The following PFAS variants were observed in gnomAD, a reference collection of about 807,000 sequenced individuals.
PFAS encodes phosphoribosylformylglycinamidine synthase.
A neutral mutation model predicts 140.6 loss-of-function variants in PFAS; 97 were observed. The ratio of observed to expected loss-of-function variants is 0.69; its 90% CI spans 0.59 to 0.82. PFAS has a LOEUF of 0.82. PFAS is among the 40% of genes least tolerant of loss of function. The pLI, the probability that PFAS is intolerant of heterozygous loss-of-function variation, is 0.00. For missense variants in PFAS, 1,656 were observed against 1,780.2 expected (o/e 0.93, Z 1.26); for synonymous variants, 679 against 718.8 (o/e 0.94, Z 0.88).
Position 8,256,376 on chromosome 17 carries a change from A to G in PFAS, c.790A>G (p.Asn264Asp). The part of the protein sequence containing the change: ...IMSTQESSNP[N>D]NVLKFCDNSS... ...GAGCACCCAGGAATCCTCGAACCCC[A>G]ACAACGTCCTCAAATTCTGTGATAA... is the stretch of plus-strand genomic sequence containing the variant. The change falls in exon 7 of 28, where the codon AAC becomes GAC. Residue 264 changes from asparagine to aspartate, a missense_variant. By Grantham distance (23) the Asn-to-Asp change is conservative. Around this residue, in one of 2 missense-constraint regions of PFAS, gnomAD observed 773 missense variants for 757.3 expected, o/e 1.02. Coordinates refer to ENST00000314666, the MANE Select transcript of PFAS (RefSeq NM_012393.3). 6.2e-7 allele frequency: 1 copy of G among 1,614,074 alleles called. No individual in the cohort carries two copies. Among genetic ancestry groups the G allele is most frequent in the African/African-American group, 1.3e-5 (1 of 75,044 alleles).
chr17:8,267,670 G>A lies in PFAS; in HGVS notation c.3382+5G>A. On this transcript the variant is annotated splice_donor_5th_base_variant and intron_variant, in intron 26 of 27. Transcript: ENST00000314666. The surrounding 1 kb of genome is among the most constrained non-coding windows in gnomAD (Gnocchi z 4.9). ...ATGTCCTGGGCTCTGCCAAAGGTCA[G>A]TGTGCAGGCTTCTGCCCACTCCCTT... The A allele has an allele frequency of 2.0e-6, 3 of 1,509,406 alleles. No individual in the cohort carries two copies. Among genetic ancestry groups the A allele is most frequent in the Non-Finnish European group, 2.8e-6 (3 of 1,086,422 alleles). The allele number at this position is 1,509,406 out of a possible 1,614,324, so 93.5% of individuals were successfully genotyped here. A position where few individuals can be genotyped will look rare whatever the true frequency, so the allele number is the denominator to read the frequency against.
rs1202311550 is a variant in PFAS, at chr17:8,256,407, G to A, written c.821G>A (p.Ser274Asn). The part of the protein sequence containing the change: ...NNVLKFCDNS[S>N]AIQGKEVRFL... ...GTCCTCAAATTCTGTGATAACAGCA[G>A]GTGCTGTGCCCTAGACTGGGTTGGC... The change falls in exon 7 of 28, where the codon AGT becomes AAT. Residue 274 changes from serine (S) to asparagine (N), a missense_variant and splice_region_variant. Physicochemically the swap from Ser to Asn is conservative, Grantham distance 46 (BLOSUM62 1). Transcript: ENST00000314666. The A allele has an allele frequency of 5.6e-6, 9 of 1,613,974 alleles. No homozygotes were observed. Among genetic ancestry groups the A allele is most frequent in the Non-Finnish European group, 7.6e-6 (9 of 1,180,038 alleles).
chr17:8,255,480 C>G (rs760460937), intron 4 of PFAS, 22 bp from the exon 5 acceptor site: 2 of 1,501,316 alleles, frequency 1.3e-6, no homozygotes, highest in Non-Finnish European at 1.8e-6. Context: ...ACCCCTTGCC[C>G]TCTGTGTGTC....
At chr17:8,247,846 A>G (rs1007021721), upstream of PFAS, 6 of 682,972 alleles carry the variant, frequency 8.8e-6, no homozygotes, top group African/African-American at 9.1e-5. Context: ...CATTCGCAGA[A>G]CCAGTAAGAG....
At position 8,263,947 on chromosome 17, in the gene PFAS, C is replaced by A. The variant is rs572134129; in HGVS notation, c.1791+11C>A. 3.1e-5 allele frequency: 50 copies of A among 1,610,426 alleles called. 2 individuals are homozygous for A. Among genetic ancestry groups the A allele is most frequent in the Non-Finnish European group, 4.1e-5 (48 of 1,179,816 alleles). On this transcript the variant is annotated intron_variant, in intron 15 of 27. Coordinates refer to ENST00000314666, the MANE Select transcript of PFAS (RefSeq NM_012393.3). ...ACTGGAGACCGGAGAGTGAGTTGGC[C>A]CAGGGAGTTGGGAGCAAACACTGGG... is the stretch of plus-strand genomic sequence containing the variant.
intron 11 of PFAS, 149 bp from the exon 12 acceptor site, chr17:8,262,771 G>A: frequency 1.5e-6 from 1 of 664,490 alleles, no homozygotes; most frequent in South Asian, 1.8e-5. Flanking sequence ...ACTTCAGCCT[G>A]GACAACAGAG....
Position 8,265,984 on chromosome 17 carries a change from C to T in PFAS, c.2668C>T (p.Arg890Trp), listed in dbSNP as rs201245445. The change falls in exon 21 of 28, where the codon CGG becomes TGG. Residue 890 changes from arginine (R) to tryptophan (W), a missense_variant. Arg to Trp is a moderately radical substitution (Grantham distance 101). Coordinates refer to ENST00000314666, the MANE Select transcript of PFAS (RefSeq NM_012393.3). ...PDLDLPENLVRAFSITQGLLK... is the reference protein window; with the variant it reads ...PDLDLPENLVWAFSITQGLLK... ...CCTGGACCTTCCTGAGAACTTGGTG[C>T]GGGCCTTCAGCATCACTCAGGGGCT... is the stretch of plus-strand genomic sequence containing the variant. 1.9e-5 allele frequency: 30 copies of T among 1,612,244 alleles called. No homozygotes were observed. In the East Asian group the frequency reaches 2.0e-4, roughly 11 times the overall value.
At chr17:8,252,911 C>T (rs1357599096) in intron 1 of PFAS, among the ~76,000 whole-genome samples, 1 of 152,180 alleles carries the variant, frequency 6.6e-6, no homozygotes, top group Non-Finnish European at 1.5e-5. Context: ...GCCACTATGC[C>T]CCGCCCAATC....
In PFAS at chr17:8,256,156, C is replaced by G. The variant is rs566152835; in HGVS notation, c.681-111C>G. 8 of 1,053,740 alleles carry G rather than the reference C, an allele frequency of 7.6e-6. No homozygotes were observed. The African/African-American group carries it at 1.3e-4, about 17-fold the overall frequency. 65.3% of individuals were successfully genotyped at this position (1,053,740 alleles called of 1,614,324 possible). A position where few individuals can be genotyped will look rare whatever the true frequency, so the allele number is the denominator to read the frequency against. On this transcript the variant is annotated intron_variant, in intron 6 of 27. Transcript: ENST00000314666. The stretch of plus-strand genomic sequence containing the variant: ...TTTGGAATATATTTTGATCTGTCAT[C>G]TAAGTATGAATTTGGCTGTAACTCT...
rs930236952 is a variant in PFAS at position 8,254,064 on chromosome 17, A to G, written c.127A>G (p.Asn43Asp). The G allele has an allele frequency of 4.3e-6, 7 of 1,614,008 alleles. 1 individual carries two copies. In the Admixed American group the frequency reaches 5.0e-5, roughly 12 times the overall value. ...LQGVETELCY[N>D]VNWTAEALPS... The stretch of plus-strand genomic sequence containing the variant: ...GGGCGTCGAGACTGAACTGTGCTAC[A>G]ACGTGAACTGGACAGGTTGGGCCCA... Residue 43 changes from asparagine (N) to aspartate (D), a missense_variant, in exon 2 of 28, where the codon AAC (asparagine) becomes GAC (aspartate). Physicochemically the swap from Asn to Asp is conservative, Grantham distance 23. Transcript: ENST00000314666.
In PFAS at chr17:8,266,728, C is replaced by A. The variant is rs1354973332; in HGVS notation, c.2822-25C>A. 2.5e-6 allele frequency: 4 copies of A among 1,579,626 alleles called. No homozygotes were observed. The highest frequency in any genetic ancestry group is 1.3e-5 in the African/African-American group (1 of 74,224). ...CTCCCTTGGCCCTTCTTGCATCCCC[C>A]TGACTCCCCACATTGCTCTCCCAGT... is the stretch of plus-strand genomic sequence containing the variant. On this transcript the variant is annotated intron_variant, in intron 22 of 27. Transcript: ENST00000314666. This position sits in a 1 kb window ranked among gnomAD's most constrained non-coding sequence, Gnocchi z 5.0.
intron 11 of PFAS, among the ~76,000 whole-genome samples, chr17:8,260,189 A>T (rs372193007): frequency 8.0e-6 from 1 of 124,396 alleles, no homozygotes; most frequent in East Asian, 3.9e-4. Context: ...TGTAGTATAC[A>T]TACAATAATG....
Position 8,265,612 on chromosome 17 carries a change from C to A in PFAS, c.2518C>A (p.Pro840Thr). ...CCCAGACATCACAGCCACTGTGACC[C>A]CAGACCTCAAGCATCCTGAAGGGAG... ...VCPDITATVT[P>T]DLKHPEGRGH... is the part of the protein sequence containing the mutation. Residue 840 changes from proline to threonine, a missense_variant, in exon 20 of 28, where the codon CCA becomes ACA. Pro to Thr is a conservative substitution (Grantham distance 38, BLOSUM62 -1). This residue lies in a region of PFAS where 883 missense variants were observed against 1,023.0 expected (regional missense o/e 0.86). Transcript: ENST00000314666. The A allele has an allele frequency of 6.2e-7, 1 of 1,613,896 alleles. No individual in the cohort carries two copies. Among genetic ancestry groups the A allele is most frequent in the Non-Finnish European group, 8.5e-7 (1 of 1,179,780 alleles).
At chr17:8,263,460 G>A (rs972799201) in intron 13 of PFAS, 115 bp from the exon 14 acceptor site, 59 of 1,053,314 alleles carry the variant, frequency 5.6e-5, no homozygotes, top group South Asian at 8.0e-5. Flanking sequence ...GTAAGGGTGC[G>A]GCAGCAGTTG....
upstream of PFAS, chr17:8,248,014 A>C (rs1329465429): frequency 3.3e-6 from 5 of 1,519,870 alleles, no homozygotes; most frequent in Admixed American, 3.6e-5. Context: ...GGAGGAAGGG[A>C]CCTGGGCCCG....
upstream of PFAS, among the ~76,000 whole-genome samples, chr17:8,249,088 T>A (rs1597409955): frequency 6.6e-6 from 1 of 152,054 alleles, no homozygotes; most frequent in East Asian, 1.9e-4. Flanking sequence ...TACTTAACTG[T>A]CCCCGCGGGG....
At chr17:8,248,571 T>A (rs1988980246), upstream of PFAS, among the ~76,000 whole-genome samples, 1 of 150,790 alleles carries the variant, frequency 6.6e-6, no homozygotes, top group Non-Finnish European at 1.5e-5. Context: ...CTCTCTGATT[T>A]TTTTGAGACG....
At position 8,254,025 on chromosome 17, in the gene PFAS, C is replaced by G; in HGVS notation, c.88C>G (p.Leu30Val). 6.2e-7 allele frequency: 1 copy of G among 1,614,206 alleles called. No individual in the cohort carries two copies. The highest frequency in any genetic ancestry group is 8.5e-7 in the Non-Finnish European group (1 of 1,180,048). Residue 30 changes from leucine (L) to valine (V), a missense_variant, in exon 2 of 28, where the codon CTG becomes GTG. Physicochemically the swap from Leu to Val is conservative, Grantham distance 32 (BLOSUM62 1). This residue lies in a region of PFAS where 773 missense variants were observed against 757.3 expected (regional missense o/e 1.02). Coordinates refer to ENST00000314666, the MANE Select transcript of PFAS (RefSeq NM_012393.3). ...GHTRRKLQGK[L>V]PELQGVETEL... The stretch of plus-strand genomic sequence containing the variant: ...CACTCGGAGGAAACTGCAAGGGAAA[C>G]TGCCAGAGCTGCAGGGCGTCGAGAC...
rs1266988530 is a variant in PFAS, at chr17:8,265,125, G to A, written c.2280G>A (p.Arg760=). Residue 760 remains arginine (R), a splice_region_variant and synonymous_variant, in exon 18 of 28, where the codon CGG becomes CGA. Transcript: ENST00000314666. ...NLVFALVTDL[R]DVKCSGNWMW... Reference sequence around the variant, plus strand: ...TGTTTGCTCTGGTCACTGACCTCCGGGTGAGTTCTCCCACAGCTTCTATCC... The same window carrying A: ...TGTTTGCTCTGGTCACTGACCTCCGAGTGAGTTCTCCCACAGCTTCTATCC... 3.7e-6 allele frequency: 6 copies of A among 1,609,826 alleles called. No individual in the cohort carries two copies. Among genetic ancestry groups the A allele is most frequent in the Non-Finnish European group, 5.1e-6 (6 of 1,177,844 alleles).
Sources: allele counts gnomAD v4.1 joint callset (sites outside exome capture counted in the v4.1 genomes callset), GRCh38; gene constraint gnomAD v4.1.1; regional missense constraint gnomAD v4.1.1; non-coding constraint Gnocchi (gnomAD v3.1); transcripts MANE v1.5; gene names NCBI Gene and HGNC (gene_info 2026-07-23, HGNC 2026-07-21).